The following TEX261 variants were observed in gnomAD, a reference collection of about 807,000 sequenced individuals.
TEX261 encodes the protein protein TEX261.
TEX261 carries 13 observed loss-of-function variants against 25.1 expected under a neutral mutation model. That is an observed-to-expected ratio of 0.52 (90% CI 0.34 to 0.82). TEX261 has a LOEUF of 0.82. Ranked by LOEUF, TEX261 falls within the 40% of genes least tolerant of loss-of-function variation. The pLI is 0.02. For missense variants in TEX261, 206 were observed against 243.2 expected (o/e 0.85, Z 1.02); for synonymous variants, 92 against 97.8 (o/e 0.94, Z 0.35).
rs1392299059 is a variant in TEX261 at position 70,987,957 on chromosome 2, C to CCCTGCCCCCTTCCCATTAAGGG, written c.*621_*642dup. Reference sequence around the variant, plus strand: ...TCCTTGAGCAGGCTCAGCTCCTCACCCCTGCCCCCTTCCCATTAAGGGCCA... The same window carrying CCCTGCCCCCTTCCCATTAAGGG: ...TCCTTGAGCAGGCTCAGCTCCTCACCCCTGCCCCCTTCCCATTAAGGGCCTGCCCCCTTCCCATTAAGGGCCA... On this transcript the variant is annotated 3_prime_UTR_variant, in exon 6 of 6. Coordinates refer to ENST00000272438, the MANE Select transcript of TEX261 (RefSeq NM_144582.3). The CCCTGCCCCCTTCCCATTAAGGG allele has an allele frequency of 6.5e-6, 1 of 153,318 alleles. No individual in the cohort carries two copies. Among genetic ancestry groups the CCCTGCCCCCTTCCCATTAAGGG allele is most frequent in the African/African-American group, 2.4e-5 (1 of 41,446 alleles). The allele number at this position is 153,318 out of a possible 1,614,324, so 9.5% of individuals were successfully genotyped here.
In TEX261 at chr2:70,994,795, G is replaced by A. The variant is rs1670378571; in HGVS notation, c.-38C>T. 3 of 1,508,176 alleles carry A rather than the reference G, an allele frequency of 2.0e-6. No homozygotes were observed. The highest frequency in any genetic ancestry group is 1.8e-6 in the Non-Finnish European group (2 of 1,129,190). The allele number at this position is 1,508,176 out of a possible 1,614,324, so 93.4% of individuals were successfully genotyped here. A position where few individuals can be genotyped will look rare whatever the true frequency, so the allele number is the denominator to read the frequency against. On this transcript the variant is annotated 5_prime_UTR_variant, in exon 1 of 6. Coordinates refer to ENST00000272438, the MANE Select transcript of TEX261 (RefSeq NM_144582.3). ...CGCCCGCTCCCCGGCCACCGGGACG[G>A]GCCTGCGCGCTTCGGCTCCGGCGAC...
intron 4 of TEX261, chr2:70,989,258 C>A: frequency 1.8e-6 from 1 of 565,798 alleles, no homozygotes. Flanking sequence ...GGACAAGCAA[C>A]TCCCCTGGAC....
At chr2:70,992,731 AAAAAAAAAAAAG>A (rs1441773095) in intron 2 of TEX261, among the ~76,000 whole-genome samples, 2 of 148,486 alleles carry the variant, frequency 1.3e-5, no homozygotes, top group Non-Finnish European at 3.0e-5. Flanking sequence ...CTCCATCTCA[AAAAAAAAAAAAG>A]AAAAAGAAAA....
intron 3 of TEX261, among the ~76,000 whole-genome samples, chr2:70,990,908 C>A (rs1420685392): frequency 6.6e-6 from 1 of 152,170 alleles, no homozygotes; most frequent in Non-Finnish European, 1.5e-5. Flanking sequence ...TGAACAAATT[C>A]TTTGGTGAAA....
chr2:70,989,882 A>T, intron 3 of TEX261, 66 bp from the exon 4 acceptor site: 4 of 1,243,252 alleles, frequency 3.2e-6, no homozygotes, highest in Non-Finnish European at 3.6e-6. Flanking sequence ...TTTAACTTCA[A>T]AAGGCCCTCA....
intron 2 of TEX261, 50 bp from the exon 3 acceptor site, chr2:70,992,033 T>G: frequency 6.6e-7 from 1 of 1,512,530 alleles, no homozygotes; most frequent in Non-Finnish European, 8.9e-7. Flanking sequence ...CAGGCAACGT[T>G]CCTGGACTCA....
At chr2:70,994,383 G>T in intron 1 of TEX261, 1 of 493,178 alleles carries the variant, frequency 2.0e-6, no homozygotes. Context: ...AGTTCCGCGC[G>T]GCAGGCCCGC....
At chr2:70,994,584 G>C in intron 1 of TEX261, 104 bp downstream of exon 1, 1 of 1,486,810 alleles carries the variant, frequency 6.7e-7, no homozygotes, top group South Asian at 1.2e-5. Flanking sequence ...CGGGAGCGCC[G>C]GGCAGTGGTC....
intron 1 of TEX261, among the ~76,000 whole-genome samples, chr2:70,994,075 G>GA (rs782750093): frequency 6.6e-6 from 1 of 152,266 alleles, no homozygotes; most frequent in Non-Finnish European, 1.5e-5. Context: ...CACTTGGCAT[G>GA]AGCCAGGTCC....
chr2:70,989,849 G>A (rs375543677), intron 3 of TEX261, 33 bp from the exon 4 acceptor site: 1 of 1,526,222 alleles, frequency 6.6e-7, no homozygotes, highest in Non-Finnish European at 9.1e-7. Context: ...GTCAGTTTAA[G>A]GGGAATAACA....
rs944605355 is a variant in TEX261 at position 70,989,318 on chromosome 2, C to G, written c.373-301G>C. On this transcript the variant is annotated intron_variant, in intron 4 of 5. Transcript: ENST00000272438. ...GCCATGACTGACTGACCCACACCCC[C>G]CAAAGAAGTGACCTTGCTCTTCCCA... The G allele has an allele frequency of 9.8e-5, 47 of 481,900 alleles. 1 individual carries two copies. The highest frequency in any genetic ancestry group is 9.1e-4 in the South Asian group (40 of 44,006). 29.9% of individuals were successfully genotyped at this position (481,900 alleles called of 1,614,324 possible).
In TEX261 at chr2:70,987,383, T is replaced by A. The variant is rs1670211636; in HGVS notation, c.*1217A>T. ...GAAATATTTTCAAGCACAGGGGTTT[T>A]TCCAGTGGCTTAAATGTATCACATG... On this transcript the variant is annotated 3_prime_UTR_variant, in exon 6 of 6. Coordinates refer to ENST00000272438, the MANE Select transcript of TEX261 (RefSeq NM_144582.3). 1 of 152,570 alleles carries A rather than the reference T, an allele frequency of 6.6e-6. No homozygotes were observed. The highest frequency in any genetic ancestry group is 1.5e-5 in the Non-Finnish European group (1 of 68,034). The allele number at this position is 152,570 out of a possible 1,614,324, so 9.5% of individuals were successfully genotyped here. A position where few individuals can be genotyped will look rare whatever the true frequency, so the allele number is the denominator to read the frequency against.
At chr2:70,989,145 G>C in intron 4 of TEX261, 128 bp from the exon 5 acceptor site, 1 of 763,932 alleles carries the variant, frequency 1.3e-6, no homozygotes. Context: ...CCCAGGCCTG[G>C]GAAGCAGGGA....
chr2:70,993,728 C>G lies in TEX261; in HGVS notation c.118G>C (p.Ala40Pro). 1 of 1,613,598 alleles carries G rather than the reference C, an allele frequency of 6.2e-7. No individual in the cohort carries two copies. The highest frequency in any genetic ancestry group is 8.5e-7 in the Non-Finnish European group (1 of 1,180,002). Reference protein sequence around the residue: ...LAELIEEYTVATSRIIKYMIW... With the variant: ...LAELIEEYTVPTSRIIKYMIW... ...ATGTATTTTATGATCCTGCTGGTGG[C>G]CACTGTGTATTCTTCTATCAGTTCT... Residue 40 changes from alanine to proline, a missense_variant, in exon 2 of 6, where the codon GCC becomes CCC. Physicochemically the swap from Ala to Pro is conservative, Grantham distance 27. Transcript: ENST00000272438.
Position 70,989,738 on chromosome 2 carries a change from A to T in TEX261, c.372+11T>A. ...CCCTGTTAACAGCTGAATGTGCTGG[A>T]CACTTCTTACCTCTGAGAAGGGATA... is the stretch of plus-strand genomic sequence containing the variant. On this transcript the variant is annotated intron_variant, in intron 4 of 5. Coordinates refer to ENST00000272438, the MANE Select transcript of TEX261 (RefSeq NM_144582.3). 1 of 1,598,662 alleles carries T rather than the reference A, an allele frequency of 6.3e-7. No homozygotes were observed. Among genetic ancestry groups the T allele is most frequent in the Non-Finnish European group, 8.6e-7 (1 of 1,165,818 alleles).
rs1022865751 is a variant in TEX261 at position 70,988,937 on chromosome 2, C to T, written c.453G>A (p.Leu151=). ...CACCTCCTGGCTGCATGGTAGAGGG[C>T]AGGACGTTCTCCCCGGCCGAAAGTG... is the stretch of plus-strand genomic sequence containing the variant. The part of the protein sequence containing the change: ...FVSLSAGENV[L]PSTMQPGDDV... The change falls in exon 5 of 6, where the codon CTG becomes CTA. Residue 151 remains leucine, a synonymous_variant. Transcript: ENST00000272438. The T allele has an allele frequency of 1.9e-6, 3 of 1,614,116 alleles. No individual in the cohort carries two copies. In the African/African-American group the frequency reaches 4.0e-5, roughly 22 times the overall value.
Position 70,989,803 on chromosome 2 carries a change from C to G in TEX261, c.318G>C (p.Val106=). ...NFILSCGLVV[V]NHYLAFQFFA... ...AAAACTGAAATGCTAGGTAATGATTCACCACCACTAGTCCTGTTGAGGGAA... is the reference window on the plus strand; with the variant it reads ...AAAACTGAAATGCTAGGTAATGATTGACCACCACTAGTCCTGTTGAGGGAA... Residue 106 remains valine (V), a synonymous_variant, in exon 4 of 6, where the codon GTG becomes GTC. Coordinates refer to ENST00000272438, the MANE Select transcript of TEX261 (RefSeq NM_144582.3). 6.2e-7 allele frequency: 1 copy of G among 1,612,260 alleles called. No homozygotes were observed. The highest frequency in any genetic ancestry group is 8.5e-7 in the Non-Finnish European group (1 of 1,178,340).
At chr2:70,992,723 C>T (rs1280477324) in intron 2 of TEX261, among the ~76,000 whole-genome samples, 1 of 149,170 alleles carries the variant, frequency 6.7e-6, no homozygotes, top group Non-Finnish European at 1.5e-5. Flanking sequence ...GAGCGAAACT[C>T]CATCTCAAAA....
At position 70,988,856 on chromosome 2, in the gene TEX261, T is replaced by C; in HGVS notation, c.475+59A>G. Reference sequence around the variant, plus strand: ...GATTCAGGTTCCCTCAGTGGACCCCTGCCAACCCAGGCCTTGCTGGCTTGC... The same window carrying C: ...GATTCAGGTTCCCTCAGTGGACCCCCGCCAACCCAGGCCTTGCTGGCTTGC... On this transcript the variant is annotated intron_variant, in intron 5 of 5. Transcript: ENST00000272438. 4 of 1,588,022 alleles carry C rather than the reference T, an allele frequency of 2.5e-6. No homozygotes were observed. The South Asian group carries it at 4.4e-5, about 18-fold the overall frequency.
Sources: allele counts gnomAD v4.1 joint callset (sites outside exome capture counted in the v4.1 genomes callset), GRCh38; gene constraint gnomAD v4.1.1; transcripts MANE v1.5; gene names NCBI Gene and HGNC (gene_info 2026-07-23, HGNC 2026-07-21).